The following EPHA5 variants were observed in gnomAD, a reference collection of about 807,000 sequenced individuals.
EPHA5 encodes the protein ephrin type-A receptor 5.
A neutral mutation model predicts 105.0 loss-of-function variants in EPHA5; 60 were observed. That is an observed-to-expected ratio of 0.57 (90% CI 0.46 to 0.71). The LOEUF (loss-of-function observed/expected upper bound fraction) is 0.71. EPHA5 is among the 30% of genes least tolerant of loss of function. The probability of loss-of-function intolerance (pLI) is 0.00; values close to 1 mark genes in which losing one functional copy is unlikely to be tolerated. For synonymous variants in EPHA5, 513 were observed against 449.1 expected (o/e 1.14, Z -1.80); for missense variants, 1,218 against 1,274.7 (o/e 0.96, Z 0.68).
chr4:65,520,854 T>G (rs1374925286), intron 3 of EPHA5, among the ~76,000 whole-genome samples: 1 of 152,114 alleles, frequency 6.6e-6, no homozygotes, highest in African/African-American at 2.4e-5. Context: ...AGAATTGCAA[T>G]CATTAAAAAG....
chr4:65,357,303 T>G (rs1346132860), intron 11 of EPHA5, among the ~76,000 whole-genome samples: 1 of 151,378 alleles, frequency 6.6e-6, no homozygotes, highest in Admixed American at 6.6e-5. Flanking sequence ...ATATAAGGAG[T>G]AAAGTTGAGA....
intron 8 of EPHA5, among the ~76,000 whole-genome samples, chr4:65,390,239 T>G (rs761742192): frequency 6.6e-6 from 1 of 151,888 alleles, no homozygotes; most frequent in South Asian, 2.1e-4. Context: ...TTTTTTAACC[T>G]CCCATTAACT....
intron 14 of EPHA5, among the ~76,000 whole-genome samples, chr4:65,344,834 A>C (rs1722063310): frequency 6.6e-6 from 1 of 152,158 alleles, no homozygotes; most frequent in Non-Finnish European, 1.5e-5. Context: ...TCATATATTC[A>C]ATTGAACATT....
At position 65,332,125 on chromosome 4, in the gene EPHA5, T is replaced by C. The variant is rs1720682459; in HGVS notation, c.2793A>G (p.Val931=). The C allele has an allele frequency of 2.5e-6, 4 of 1,596,572 alleles. No homozygotes were observed. Among genetic ancestry groups the C allele is most frequent in the African/African-American group, 1.4e-5 (1 of 73,946 alleles). ...GGCTATGTTCTGCCAATAAATTAGA[T>C]ACTCTAAAACACATAAAACATAAAT... ...LKTLVNASCR[V]SNLLAEHSPL... Residue 931 remains valine (V), a synonymous_variant, in exon 16 of 17, where the codon GTA becomes GTG. Transcript: ENST00000613740.
chr4:65,465,456 GA>G (rs57981720), intron 5 of EPHA5, among the ~76,000 whole-genome samples: 29,467 of 46,812 alleles, frequency 0.63, 9,285 homozygotes, highest in Non-Finnish European at 0.7. Context: ...AAGAAAGAAA[GA>G]AAAGAAAGAA....
intron 6 of EPHA5, among the ~76,000 whole-genome samples, chr4:65,417,471 T>A (rs927577824): frequency 6.6e-6 from 1 of 152,190 alleles, no homozygotes; most frequent in Non-Finnish European, 1.5e-5. Context: ...GGTCCGGGAA[T>A]TAATACTTTT....
chr4:65,539,167 G>A (rs1736580595), intron 3 of EPHA5, among the ~76,000 whole-genome samples: 1 of 151,550 alleles, frequency 6.6e-6, no homozygotes, highest in African/African-American at 2.4e-5. Context: ...GGGGAAAAAA[G>A]TTTCCGAAAA....
intron 3 of EPHA5, among the ~76,000 whole-genome samples, chr4:65,583,913 C>T (rs1741881601): frequency 6.6e-6 from 1 of 151,396 alleles, no homozygotes; most frequent in Non-Finnish European, 1.5e-5. Flanking sequence ...ATTCATTAAA[C>T]ATTAAATTAA....
chr4:65,621,766 TA>T (rs889936749), intron 2 of EPHA5, among the ~76,000 whole-genome samples: 4 of 152,102 alleles, frequency 2.6e-5, no homozygotes, highest in African/African-American at 9.7e-5. Context: ...CTGTTTGTAT[TA>T]GGGGTTCAGG....
chr4:65,483,130 G>T (rs746370249), intron 5 of EPHA5, among the ~76,000 whole-genome samples: 65 of 152,150 alleles, frequency 4.3e-4, no homozygotes, highest in Non-Finnish European at 7.2e-4. Context: ...CTGTCCTTGC[G>T]ATAGTTTGCT....
At chr4:65,659,844 A>T (rs1007026063) in intron 1 of EPHA5, among the ~76,000 whole-genome samples, 10 of 152,134 alleles carry the variant, frequency 6.6e-5, no homozygotes, top group Non-Finnish European at 1.2e-4. Context: ...TACCTTTTGA[A>T]AATATAAAAA....
chr4:65,656,498 T>C (rs921568125), intron 1 of EPHA5, among the ~76,000 whole-genome samples: 55 of 150,432 alleles, frequency 3.7e-4, no homozygotes, highest in Non-Finnish European at 7.0e-4. Context: ...CATATATTTA[T>C]ATTATTTTTA....
At chr4:65,607,375 G>T (rs551284602) in intron 2 of EPHA5, among the ~76,000 whole-genome samples, 1 of 151,870 alleles carries the variant, frequency 6.6e-6, no homozygotes, top group South Asian at 2.1e-4. Flanking sequence ...AACTATCATC[G>T]GAGTGAACAG....
At chr4:65,393,344 T>C (rs1720905642) in intron 8 of EPHA5, among the ~76,000 whole-genome samples, 1 of 152,174 alleles carries the variant, frequency 6.6e-6, no homozygotes, top group African/African-American at 2.4e-5. Flanking sequence ...ACTTACTCTG[T>C]GGAGCTGGGT....
At chr4:65,394,306 A>G (rs1044368881) in intron 8 of EPHA5, among the ~76,000 whole-genome samples, 4 of 152,192 alleles carry the variant, frequency 2.6e-5, no homozygotes, top group Non-Finnish European at 5.9e-5. Context: ...TTCCCACACA[A>G]AAGTTCAAAA....
At chr4:65,557,794 G>A (rs1328221597) in intron 3 of EPHA5, among the ~76,000 whole-genome samples, 2 of 152,030 alleles carry the variant, frequency 1.3e-5, no homozygotes, top group Non-Finnish European at 2.9e-5. Context: ...TGTAATGTGA[G>A]TTCAAAAACG....
In EPHA5 at chr4:65,643,560, T is replaced by C. The variant is rs564279664; in HGVS notation, c.182-133A>G. The C allele has an allele frequency of 9.5e-5, 57 of 600,232 alleles. 1 individual carries two copies. Among genetic ancestry groups the C allele is most frequent in the South Asian group, 9.2e-4 (37 of 40,178 alleles). The allele number at this position is 600,232 out of a possible 1,614,324, so 37.2% of individuals were successfully genotyped here. On this transcript the variant is annotated intron_variant, in intron 1 of 16. Transcript: ENST00000613740. ...TAAGTGTTCATTATGATGAATACAATGGGTATAATTTAAAGAAAATATATT... is the reference window on the plus strand; with the variant it reads ...TAAGTGTTCATTATGATGAATACAACGGGTATAATTTAAAGAAAATATATT...
chr4:65,337,322 T>G (rs1721279363), intron 14 of EPHA5, among the ~76,000 whole-genome samples: 1 of 152,086 alleles, frequency 6.6e-6, no homozygotes, highest in Non-Finnish European at 1.5e-5. Flanking sequence ...ATTCATTCCT[T>G]CTACTTCGCT....
At chr4:65,497,942 A>T (rs777420243) in intron 3 of EPHA5, among the ~76,000 whole-genome samples, 1 of 152,000 alleles carries the variant, frequency 6.6e-6, no homozygotes, top group Non-Finnish European at 1.5e-5. Flanking sequence ...TCTTAAAGGT[A>T]GTCCATAAAT....
Sources: gnomAD v4.1 joint callset for allele counts (sites outside exome capture counted in the v4.1 genomes callset) on GRCh38, gnomAD v4.1.1 for gene constraint, MANE v1.5 for transcripts, NCBI Gene and HGNC (gene_info 2026-07-23, HGNC 2026-07-21) for gene names.